Variants in LMO7 observed in about 807,000 individuals in gnomAD.
The protein encoded by LMO7 is LIM domain 7.
LMO7 carries 120 observed loss-of-function variants against 206.5 expected under a neutral mutation model. The ratio of observed to expected loss-of-function variants is 0.58; its 90% confidence interval spans 0.50 to 0.68. The LOEUF is 0.68. Ranked by LOEUF, LMO7 falls within the 30% of genes least tolerant of loss-of-function variation. The pLI is 0.00. For missense variants in LMO7, 1,959 were observed against 1,957.9 expected (o/e 1.00, Z -0.01); for synonymous variants, 706 against 681.5 (o/e 1.04, Z -0.56).
intron 3 of LMO7, chr13:75,760,349 A>G (rs1033395619): frequency 5.0e-6 from 5 of 1,001,252 alleles, no homozygotes; most frequent in Admixed American, 1.2e-4. Flanking sequence ...TTAGCCAATG[A>G]ACACTAGGTT....
intron 1 of LMO7, chr13:75,623,249 C>T (rs771906009): frequency 5.7e-6 from 7 of 1,238,554 alleles, no homozygotes; most frequent in East Asian, 4.8e-5. Flanking sequence ...TTTAACTTTC[C>T]TAATCATGAC....
upstream of LMO7, chr13:75,636,216 C>G (rs1403049711): frequency 1.2e-6 from 1 of 848,328 alleles, no homozygotes. Context: ...CCCGGGGAGC[C>G]AAGGGAGGGG....
In LMO7 at chr13:75,672,874, TCTTTC is replaced by T. The variant is rs1224894979; in HGVS notation, c.69+36152_69+36156del. On this transcript the variant is annotated intron_variant, in intron 1 of 30. Coordinates refer to ENST00000377534, the MANE Select transcript of LMO7 (RefSeq NM_001306080.2). The stretch of plus-strand genomic sequence containing the variant: ...TTCTCTTCCCTTCTTTTGTAGGAGC[TCTTTC>T]CTTATAGAAATTGGCTCTTTGCCTA... 7.0e-4 allele frequency among the ~76,000 whole-genome samples: 106 copies of T among 152,372 alleles called. 1 individual carries two copies. The highest frequency in any genetic ancestry group is 2.5e-3 in the African/African-American group (103 of 41,596).
At chr13:75,813,582 T>C (rs1472022422) in intron 11 of LMO7, among the ~76,000 whole-genome samples, 1 of 152,004 alleles carries the variant, frequency 6.6e-6, no homozygotes, top group African/African-American at 2.4e-5. Flanking sequence ...CCCTAGGGAG[T>C]GAACTGTGCT....
At chr13:75,853,510 A>C (rs139837130) in intron 28 of LMO7, 122 bp downstream of exon 28, 2 of 872,810 alleles carry the variant, frequency 2.3e-6, no homozygotes, top group East Asian at 2.7e-5. Context: ...GAATGTGTCA[A>C]ATTTGGTATT....
At chr13:75,830,263 A>T (rs1286414895) in intron 15 of LMO7, among the ~76,000 whole-genome samples, 1 of 152,212 alleles carries the variant, frequency 6.6e-6, no homozygotes, top group African/African-American at 2.4e-5. Flanking sequence ...GGGATTGGAC[A>T]GAGATGCCTC....
chr13:75,837,588 TTAA>T (rs1299439967), intron 19 of LMO7, among the ~76,000 whole-genome samples: 3 of 152,196 alleles, frequency 2.0e-5, no homozygotes, highest in Non-Finnish European at 4.4e-5. Flanking sequence ...TTTGCTTTAC[TTAA>T]TAGTAGTAGC....
chr13:75,625,232 C>T (rs114386337), intron 2 of LMO7, among the ~76,000 whole-genome samples: 1 of 152,202 alleles, frequency 6.6e-6, no homozygotes, highest in Non-Finnish European at 1.5e-5. Flanking sequence ...CTCTTTTCCA[C>T]AGTAAATAGC....
chr13:75,728,907 C>G (rs9573640), intron 3 of LMO7, among the ~76,000 whole-genome samples: 5,444 of 147,162 alleles, frequency 0.037, 246 homozygotes, highest in African/African-American at 0.1. Context: ...GCTTGTTTTT[C>G]TCAGGTTTGT....
At chr13:75,726,431 C>T (rs1400338574) in intron 2 of LMO7, among the ~76,000 whole-genome samples, 1 of 151,750 alleles carries the variant, frequency 6.6e-6, no homozygotes, top group East Asian at 1.9e-4. Flanking sequence ...TCTGAGGTAA[C>T]TTAGTTAATT....
chr13:75,790,196 G>A (rs533121428), intron 4 of LMO7, among the ~76,000 whole-genome samples: 24 of 152,298 alleles, frequency 1.6e-4, no homozygotes, highest in African/African-American at 5.8e-4. Context: ...GTTGGGGGTG[G>A]AGGGGGCGGA....
At chr13:75,815,198 G>A (rs1595233542) in intron 11 of LMO7, among the ~76,000 whole-genome samples, 1 of 152,270 alleles carries the variant, frequency 6.6e-6, no homozygotes, top group East Asian at 1.9e-4. Flanking sequence ...AATCTGGGTA[G>A]GAGATGATGT....
chr13:75,855,137 A>G, intron 28 of LMO7, 123 bp from the exon 29 acceptor site: 1 of 554,974 alleles, frequency 1.8e-6, no homozygotes, highest in Non-Finnish European at 3.2e-6. Flanking sequence ...TTATTCTCCC[A>G]CAGATATATG....
At chr13:75,839,727 CTTTTTT>C (rs35308084) in intron 20 of LMO7, 3 of 145,578 alleles carry the variant, frequency 2.1e-5, no homozygotes, top group African/African-American at 5.2e-5. Flanking sequence ...ATTTGAAATT[CTTTTTT>C]TTTTTTTTTT....
chr13:75,804,096 G>A (rs955667680), intron 7 of LMO7, 193 bp from the exon 8 acceptor site: 41 of 565,046 alleles, frequency 7.3e-5, no homozygotes, highest in Non-Finnish European at 1.2e-4. Flanking sequence ...TACTGCATGT[G>A]CCTCCAGTAT....
chr13:75,731,181 C>G (rs985981508), intron 3 of LMO7, among the ~76,000 whole-genome samples: 2 of 151,984 alleles, frequency 1.3e-5, no homozygotes, highest in Non-Finnish European at 2.9e-5. Context: ...TCCTGGGTAT[C>G]CTTGTTGACT....
chr13:75,759,176 C>T (rs1266643526), intron 3 of LMO7, among the ~76,000 whole-genome samples: 3 of 152,106 alleles, frequency 2.0e-5, no homozygotes, highest in African/African-American at 7.2e-5. Context: ...GGGGAAACTG[C>T]CCCCATGATC....
intron 4 of LMO7, among the ~76,000 whole-genome samples, chr13:75,782,761 C>G (rs909805660): frequency 6.6e-6 from 1 of 152,180 alleles, no homozygotes; most frequent in East Asian, 1.9e-4. Context: ...CATCACTGCT[C>G]CAATCTCTGC....
At position 75,808,217 on chromosome 13, in the gene LMO7, C is replaced by T. The variant is rs1566509890; in HGVS notation, c.1916+18C>T. ...GTGGAGAGGTCAGAGTGTGTTTCTG[C>T]AAGGATTTTGCTTGTAATGGATGGT... is the stretch of plus-strand genomic sequence containing the variant. On this transcript the variant is annotated intron_variant, in intron 10 of 30. Transcript: ENST00000377534. The T allele has an allele frequency of 1.3e-6, 2 of 1,583,748 alleles. No individual in the cohort carries two copies. The highest frequency in any genetic ancestry group is 3.6e-5 in the Admixed American group (2 of 54,884).
Sources: gnomAD v4.1 joint callset for allele counts (sites outside exome capture counted in the v4.1 genomes callset) on GRCh38, gnomAD v4.1.1 for gene constraint, MANE v1.5 for transcripts, NCBI Gene and HGNC (gene_info 2026-07-23, HGNC 2026-07-21) for gene names.